INSYN2B: variants seen among roughly 807,000 people sequenced by gnomAD.
The protein encoded by INSYN2B is protein INSYN2B.
A neutral mutation model predicts 41.2 loss-of-function variants in INSYN2B; 16 were observed. The ratio of observed to expected loss-of-function variants is 0.39; its 90% CI spans 0.26 to 0.59. The LOEUF is 0.59. Among genes scored for constraint, INSYN2B ranks in the 20% least tolerant of loss-of-function variants. The pLI is 0.57. For missense variants in INSYN2B, 608 were observed against 646.4 expected, an observed-to-expected ratio of 0.94 and a Z score of 0.64; for synonymous variants, 245 against 244.4, an observed-to-expected ratio of 1.00 and a Z score of -0.02.
chr5:169,955,150 A>G (rs1319395248), intron 1 of INSYN2B, among the ~76,000 whole-genome samples: 1 of 152,186 alleles, frequency 6.6e-6, no homozygotes, highest in Non-Finnish European at 1.5e-5. Context: ...GAGGAGCTAC[A>G]TGGCCATGTC....
chr5:169,893,869 G>A (rs1174642884), intron 1 of INSYN2B, among the ~76,000 whole-genome samples: 9 of 152,154 alleles, frequency 5.9e-5, no homozygotes, highest in Admixed American at 2.0e-4. Flanking sequence ...CAGGAAAATC[G>A]TTTTCCATCT....
chr5:169,975,842 C>A (rs932632621), intron 1 of INSYN2B, among the ~76,000 whole-genome samples: 6 of 152,200 alleles, frequency 3.9e-5, no homozygotes, highest in Admixed American at 3.9e-4. Context: ...CCTTTGGTAA[C>A]CTCAGCTGTA....
At chr5:169,891,619 C>T (rs1320044772) in intron 1 of INSYN2B, among the ~76,000 whole-genome samples, 1 of 152,046 alleles carries the variant, frequency 6.6e-6, no homozygotes, top group East Asian at 1.9e-4. Context: ...ACCACGAAGA[C>T]AACCCCCCTC....
At chr5:169,896,938 G>A (rs148728302) in intron 1 of INSYN2B, among the ~76,000 whole-genome samples, 3 of 152,164 alleles carry the variant, frequency 2.0e-5, no homozygotes, top group Non-Finnish European at 4.4e-5. Context: ...ACTTTGACGT[G>A]AGCTTCCTAG....
intron 1 of INSYN2B, among the ~76,000 whole-genome samples, chr5:169,979,620 A>G (rs899259062): frequency 2.3e-4 from 35 of 152,198 alleles, no homozygotes; most frequent in Admixed American, 2.0e-4. Flanking sequence ...TAGACACCAT[A>G]GCAGAAAAAA....
intron 1 of INSYN2B, among the ~76,000 whole-genome samples, chr5:169,902,169 C>A (rs1171904597): frequency 6.6e-6 from 1 of 152,168 alleles, no homozygotes; most frequent in South Asian, 2.1e-4. Context: ...CAAGGAAAGT[C>A]CAGGAGGGGA....
intron 3 of INSYN2B, chr5:169,875,448 C>T: frequency 2.7e-6 from 1 of 376,478 alleles, no homozygotes; most frequent in South Asian, 2.0e-5. Context: ...GAACATTCCA[C>T]TGAGACCTAA....
intron 1 of INSYN2B, among the ~76,000 whole-genome samples, chr5:169,885,615 A>C (rs928619044): frequency 6.6e-6 from 1 of 152,248 alleles, no homozygotes; most frequent in Non-Finnish European, 1.5e-5. Flanking sequence ...TATTGAGCAC[A>C]TACTTTTACC....
chr5:169,961,559 A>G (rs146521097), intron 1 of INSYN2B, among the ~76,000 whole-genome samples: 107 of 152,344 alleles, frequency 7.0e-4, no homozygotes, highest in East Asian at 6.2e-3. Flanking sequence ...CTAAGCAGAC[A>G]TTTCTCTGCC....
At chr5:169,868,631 A>C (rs1024407854) in intron 3 of INSYN2B, among the ~76,000 whole-genome samples, 1 of 152,114 alleles carries the variant, frequency 6.6e-6, no homozygotes, top group African/African-American at 2.4e-5. Flanking sequence ...GGTGGTGTGC[A>C]ACTGTGATCC....
At chr5:169,957,031 G>A (rs753029288) in intron 1 of INSYN2B, among the ~76,000 whole-genome samples, 76 of 151,782 alleles carry the variant, frequency 5.0e-4, no homozygotes, top group Non-Finnish European at 9.9e-4. Context: ...AGTTTATTCT[G>A]GGGCTTACTA....
chr5:169,876,400 A>G (rs1266540270), intron 3 of INSYN2B, among the ~76,000 whole-genome samples: 1 of 152,228 alleles, frequency 6.6e-6, no homozygotes, highest in Non-Finnish European at 1.5e-5. Context: ...GTTCTAACTC[A>G]TTCTCCCAAA....
chr5:169,900,816 T>A (rs945594084), intron 1 of INSYN2B, among the ~76,000 whole-genome samples: 7 of 152,146 alleles, frequency 4.6e-5, no homozygotes, highest in African/African-American at 1.7e-4. Flanking sequence ...TATTTCCTCC[T>A]ATTACCAAGA....
intron 1 of INSYN2B, among the ~76,000 whole-genome samples, chr5:169,936,273 G>A (rs80261067): frequency 0.014 from 2,181 of 152,276 alleles, 20 homozygotes; most frequent in Middle Eastern, 0.048. Flanking sequence ...GATAATGTCC[G>A]TGCTTCAACG....
At chr5:169,910,128 T>C (rs1774512948) in intron 1 of INSYN2B, among the ~76,000 whole-genome samples, 2 of 152,214 alleles carry the variant, frequency 1.3e-5, no homozygotes, top group South Asian at 4.1e-4. Flanking sequence ...CTGAGCCATA[T>C]GTTCCTGGCC....
At chr5:169,949,909 C>T (rs1001647972) in intron 1 of INSYN2B, among the ~76,000 whole-genome samples, 2 of 151,998 alleles carry the variant, frequency 1.3e-5, no homozygotes, top group African/African-American at 2.4e-5. Context: ...GTTAGTAACT[C>T]TTCTTTCTCG....
chr5:169,908,713 C>CTTTTTTTTTT (rs34261104), intron 1 of INSYN2B, among the ~76,000 whole-genome samples: 9 of 105,046 alleles, frequency 8.6e-5, no homozygotes, highest in South Asian at 3.2e-4. Context: ...TTTCTTTTTT[C>CTTTTTTTTTT]TTTTTTTTTT....
At chr5:169,929,270 G>A (rs1775625413) in intron 1 of INSYN2B, among the ~76,000 whole-genome samples, 1 of 152,168 alleles carries the variant, frequency 6.6e-6, no homozygotes, top group African/African-American at 2.4e-5. Context: ...TTGGCCATAT[G>A]GTAAACATTT....
intron 1 of INSYN2B, among the ~76,000 whole-genome samples, chr5:169,948,492 TCTGA>T (rs1165117339): frequency 5.9e-5 from 9 of 152,268 alleles, no homozygotes; most frequent in South Asian, 4.1e-4. Context: ...TATCTGTATA[TCTGA>T]CTATCATCTA....
Sources: allele counts gnomAD v4.1 joint callset (sites outside exome capture counted in the v4.1 genomes callset), GRCh38; gene constraint gnomAD v4.1.1; transcripts MANE v1.5; gene names NCBI Gene and HGNC (gene_info 2026-07-23, HGNC 2026-07-21).